Variants in CNTN1 observed in about 807,000 individuals in gnomAD.
CNTN1 encodes the protein contactin 1, also known as contactin-1.
In CNTN1, 38 loss-of-function variants were observed where a neutral mutation model predicts 126.4. The ratio of observed to expected loss-of-function variants is 0.30; its 90% CI spans 0.23 to 0.39. CNTN1 has a LOEUF of 0.39. CNTN1 is among the 10% of genes least tolerant of loss of function. The pLI is 1.00. For missense variants in CNTN1, 1,009 were observed against 1,248.4 expected (o/e 0.81, Z 2.89); for synonymous variants, 413 against 422.6 (o/e 0.98, Z 0.28).
chr12:41,011,817 ATTCCAG>A (rs1948662314), intron 17 of CNTN1, among the ~76,000 whole-genome samples: 2 of 152,332 alleles, frequency 1.3e-5, no homozygotes, highest in East Asian at 3.9e-4. Context: ...TTAGAGAATC[ATTCCAG>A]TTAACTTCTG....
chr12:40,703,699 T>C (rs1388108683), intron 1 of CNTN1, among the ~76,000 whole-genome samples: 1 of 152,340 alleles, frequency 6.6e-6, no homozygotes, highest in South Asian at 2.1e-4. Flanking sequence ...CTGTTTCCTA[T>C]GAATAATCTA....
At position 40,959,142 on chromosome 12, in the gene CNTN1, G is replaced by A. The variant is rs142561108; in HGVS notation, c.1712G>A (p.Arg571Gln). The change falls in exon 15 of 24, where the codon CGA becomes CAA. Residue 571 changes from arginine (R) to glutamine (Q), a missense_variant. Coordinates refer to ENST00000551295, the MANE Select transcript of CNTN1 (RefSeq NM_001843.4). ...GATTCCAATGGGGAATTACTAATCC[G>A]AAATGCGCAGCTGAAACATGCTGGA... is the stretch of plus-strand genomic sequence containing the variant. ...MLDSNGELLI[R>Q]NAQLKHAGRY... 1.5e-5 allele frequency: 24 copies of A among 1,612,472 alleles called. No homozygotes were observed. The East Asian group carries it at 3.1e-4, about 21-fold the overall frequency.
chr12:40,716,616 C>G (rs1942056823), intron 1 of CNTN1, among the ~76,000 whole-genome samples: 1 of 152,150 alleles, frequency 6.6e-6, no homozygotes, highest in Non-Finnish European at 1.5e-5. Flanking sequence ...ATATCTGAAA[C>G]TCATTGGCTT....
intron 1 of CNTN1, among the ~76,000 whole-genome samples, chr12:40,883,886 A>G (rs7136705): frequency 0.54 from 82,370 of 151,340 alleles, 23,051 homozygotes; most frequent in African/African-American, 0.67. Context: ...AGAGAAATGC[A>G]CTTAAATACA....
intron 22 of CNTN1, among the ~76,000 whole-genome samples, 197 bp downstream of exon 22, chr12:41,028,166 G>T (rs1309561590): frequency 6.6e-6 from 1 of 151,940 alleles, no homozygotes; most frequent in African/African-American, 2.4e-5. Flanking sequence ...CAAGTAGCTG[G>T]GATTACAGGT....
chr12:40,723,824 G>A (rs1942281415), intron 1 of CNTN1, among the ~76,000 whole-genome samples: 2 of 152,206 alleles, frequency 1.3e-5, no homozygotes, highest in South Asian at 2.1e-4. Context: ...ATCTCTGCAT[G>A]TGTTTAAATG....
At chr12:40,825,982 A>G (rs76670018) in intron 1 of CNTN1, among the ~76,000 whole-genome samples, 2,183 of 152,180 alleles carry the variant, frequency 0.014, 47 homozygotes, top group African/African-American at 0.05. Flanking sequence ...GGCTATGGAG[A>G]TTTGTATGTG....
chr12:40,955,689 G>T (rs1223619352), intron 14 of CNTN1, among the ~76,000 whole-genome samples: 1 of 152,036 alleles, frequency 6.6e-6, no homozygotes, highest in Non-Finnish European at 1.5e-5. Flanking sequence ...TAATAAATAA[G>T]ACCTGGTTCT....
rs576865772 is a variant in CNTN1, at chr12:40,982,896, A to G, written c.1963+1829A>G. ...TCATAGGTGGGAATTGAATAATGAG[A>G]ACACTTGGACACAGGGTGGGGAACA... On this transcript the variant is annotated intron_variant, in intron 16 of 23. Transcript: ENST00000551295. Among the ~76,000 whole-genome samples, 13 of 141,130 alleles carry G rather than the reference A, an allele frequency of 9.2e-5. No homozygotes were observed. In the East Asian group the frequency reaches 2.9e-3, roughly 32 times the overall value. 92.6% of individuals were successfully genotyped at this position (141,130 alleles called of 152,430 possible).
At chr12:40,849,229 A>G (rs1341591189) in intron 1 of CNTN1, among the ~76,000 whole-genome samples, 1 of 152,178 alleles carries the variant, frequency 6.6e-6, no homozygotes, top group Non-Finnish European at 1.5e-5. Context: ...TGAACTGCTT[A>G]TAATCTTTAC....
At chr12:40,863,735 T>C (rs1160274129) in intron 1 of CNTN1, among the ~76,000 whole-genome samples, 2 of 146,202 alleles carry the variant, frequency 1.4e-5, no homozygotes, top group Admixed American at 6.9e-5. Context: ...AGACTGTGAG[T>C]TTCTTATGAG....
chr12:40,796,421 A>C (rs1689927367), intron 1 of CNTN1, among the ~76,000 whole-genome samples: 1 of 152,080 alleles, frequency 6.6e-6, no homozygotes, highest in African/African-American at 2.4e-5. Context: ...TAGAAAAGCA[A>C]ACTTGGAGAC....
chr12:41,004,864 T>G (rs1282139960), intron 17 of CNTN1, among the ~76,000 whole-genome samples: 1 of 152,228 alleles, frequency 6.6e-6, no homozygotes, highest in African/African-American at 2.4e-5. Context: ...AACATACCAA[T>G]GGGTCTTGGT....
intron 1 of CNTN1, among the ~76,000 whole-genome samples, chr12:40,845,102 T>C (rs143419705): frequency 1.5e-4 from 23 of 152,332 alleles, no homozygotes; most frequent in African/African-American, 5.1e-4. Context: ...TCAGCATCAA[T>C]ATAAACGTAA....
At chr12:40,744,359 G>A (rs754985560) in intron 1 of CNTN1, among the ~76,000 whole-genome samples, 36 of 152,064 alleles carry the variant, frequency 2.4e-4, no homozygotes, top group South Asian at 4.2e-4. Flanking sequence ...TGAAGGGAAT[G>A]AGGGTGGAAA....
At chr12:40,910,735 T>C (rs1422681410) in intron 3 of CNTN1, among the ~76,000 whole-genome samples, 2 of 152,198 alleles carry the variant, frequency 1.3e-5, no homozygotes, top group Non-Finnish European at 2.9e-5. Context: ...AACTTTCCAA[T>C]ATGTAAAAAT....
Position 40,981,141 on chromosome 12 carries a change from G to A in CNTN1, c.1963+74G>A. The A allele has an allele frequency of 2.0e-6, 3 of 1,509,724 alleles. No homozygotes were observed. The Admixed American group carries it at 5.1e-5, about 26-fold the overall frequency. 93.5% of individuals were successfully genotyped at this position (1,509,724 alleles called of 1,614,324 possible). A position where few individuals can be genotyped will look rare whatever the true frequency, so the allele number is the denominator to read the frequency against. ...CTTTTCTCAAAAACAAAAATTTGGA[G>A]GTTTTAAAAATGTCATTATCTACCT... On this transcript the variant is annotated intron_variant, in intron 16 of 23. Coordinates refer to ENST00000551295, the MANE Select transcript of CNTN1 (RefSeq NM_001843.4).
At chr12:40,781,976 T>A (rs1939822667) in intron 1 of CNTN1, among the ~76,000 whole-genome samples, 1 of 151,984 alleles carries the variant, frequency 6.6e-6, no homozygotes, top group East Asian at 1.9e-4. Context: ...TATTAATTTT[T>A]TATTAGTCAT....
intron 23 of CNTN1, among the ~76,000 whole-genome samples, chr12:41,055,793 T>A (rs1949789977): frequency 1.3e-5 from 2 of 152,140 alleles, no homozygotes; most frequent in African/African-American, 4.8e-5. Context: ...TATCTATAAG[T>A]TGGATCATGT....
Sources: allele counts gnomAD v4.1 joint callset (sites outside exome capture counted in the v4.1 genomes callset), GRCh38; gene constraint gnomAD v4.1.1; transcripts MANE v1.5; gene names NCBI Gene and HGNC (gene_info 2026-07-23, HGNC 2026-07-21).